ROBO2: variants seen among roughly 807,000 people sequenced by gnomAD.
ROBO2 encodes the protein roundabout guidance receptor 2, also known as roundabout homolog 2.
A neutral mutation model predicts 160.8 loss-of-function variants in ROBO2; 53 were observed. That is an observed-to-expected ratio of 0.33 (90% CI 0.26 to 0.41). The LOEUF is 0.41. Ranked by LOEUF, ROBO2 falls within the 10% of genes least tolerant of loss-of-function variation. ROBO2 has a pLI of 1.00. For missense variants in ROBO2, 1,577 were observed against 1,722.4 expected (o/e 0.92, Z 1.49); for synonymous variants, 664 against 611.7 (o/e 1.09, Z -1.26).
intron 2 of ROBO2, among the ~76,000 whole-genome samples, chr3:76,902,195 C>G (rs1048124653): frequency 1.4e-4 from 21 of 151,978 alleles, no homozygotes; most frequent in African/African-American, 5.1e-4. Context: ...TTTCTTTATA[C>G]CTACTTTTTA....
intron 2 of ROBO2, among the ~76,000 whole-genome samples, chr3:76,838,691 G>A (rs2067939311): frequency 6.6e-6 from 1 of 151,994 alleles, no homozygotes; most frequent in African/African-American, 2.4e-5. Flanking sequence ...ATCTCCATTC[G>A]TAAATTACAA....
At chr3:76,183,437 C>T (rs1355381381) in intron 2 of ROBO2, among the ~76,000 whole-genome samples, 1 of 152,220 alleles carries the variant, frequency 6.6e-6, no homozygotes, top group African/African-American at 2.4e-5. Flanking sequence ...TCTAGCACTG[C>T]CCAACTGTCT....
chr3:76,041,915 T>C (rs2067285826), intron 2 of ROBO2, among the ~76,000 whole-genome samples: 1 of 151,852 alleles, frequency 6.6e-6, no homozygotes, highest in Non-Finnish European at 1.5e-5. Flanking sequence ...GTCCTGTTTC[T>C]CTTGATCATC....
At chr3:76,758,775 T>C (rs2061133918) in intron 2 of ROBO2, among the ~76,000 whole-genome samples, 1 of 151,874 alleles carries the variant, frequency 6.6e-6, no homozygotes, top group East Asian at 2.0e-4. Flanking sequence ...TGGTGTTTAT[T>C]TTCAATGTTA....
At chr3:76,926,897 G>A (rs550990146) in intron 2 of ROBO2, among the ~76,000 whole-genome samples, 7 of 151,326 alleles carry the variant, frequency 4.6e-5, no homozygotes, top group African/African-American at 1.7e-4. Flanking sequence ...AGAGGACTCC[G>A]TTTTTTTTCA....
chr3:77,179,191 T>G (rs1315585546), intron 2 of ROBO2, among the ~76,000 whole-genome samples: 1 of 151,948 alleles, frequency 6.6e-6, no homozygotes, highest in Non-Finnish European at 1.5e-5. Flanking sequence ...TGCCTTTAGG[T>G]TTAGTTTGTC....
chr3:76,155,397 A>T (rs2072367740), intron 2 of ROBO2, among the ~76,000 whole-genome samples: 1 of 152,200 alleles, frequency 6.6e-6, no homozygotes, highest in African/African-American at 2.4e-5. Context: ...TAGACTATGA[A>T]AAATGCTACT....
intron 2 of ROBO2, among the ~76,000 whole-genome samples, chr3:77,340,211 G>A (rs879213308): frequency 6.6e-6 from 1 of 152,008 alleles, no homozygotes; most frequent in South Asian, 2.1e-4. Flanking sequence ...GTCATGAATG[G>A]TAACGAGAAT....
intron 2 of ROBO2, among the ~76,000 whole-genome samples, chr3:77,374,623 C>G (rs1031908462): frequency 1.3e-5 from 2 of 152,108 alleles, no homozygotes; most frequent in African/African-American, 2.4e-5. Flanking sequence ...GATCATTTCT[C>G]AATGACTTGA....
chr3:77,576,730 C>T (rs2093775927), intron 14 of ROBO2, among the ~76,000 whole-genome samples: 1 of 152,098 alleles, frequency 6.6e-6, no homozygotes, highest in East Asian at 1.9e-4. Flanking sequence ...TCACATTTGA[C>T]CCAACATGAA....
At chr3:76,608,779 A>G (rs1395786016) in intron 2 of ROBO2, among the ~76,000 whole-genome samples, 1 of 152,128 alleles carries the variant, frequency 6.6e-6, no homozygotes, top group Non-Finnish European at 1.5e-5. Context: ...TTTCTTCTGC[A>G]TATGGATATC....
intron 2 of ROBO2, among the ~76,000 whole-genome samples, chr3:76,595,070 A>G (rs1292260249): frequency 6.6e-6 from 1 of 151,932 alleles, no homozygotes; most frequent in Admixed American, 6.6e-5. Flanking sequence ...ACATGGAGAA[A>G]ACAGCCCTTT....
At chr3:77,205,949 C>T (rs1019990882) in intron 2 of ROBO2, among the ~76,000 whole-genome samples, 11 of 152,054 alleles carry the variant, frequency 7.2e-5, no homozygotes, top group Non-Finnish European at 5.9e-5. Context: ...CATTATCTTA[C>T]AGTTTTGGGG....
At chr3:76,021,402 G>T (rs1559840422) in intron 2 of ROBO2, among the ~76,000 whole-genome samples, 1 of 151,726 alleles carries the variant, frequency 6.6e-6, no homozygotes, top group South Asian at 2.1e-4. Context: ...TCCCAAACAT[G>T]TGTTTTCATT....
chr3:77,366,767 GT>G (rs562941708), intron 2 of ROBO2, among the ~76,000 whole-genome samples: 7 of 146,366 alleles, frequency 4.8e-5, no homozygotes, highest in Non-Finnish European at 7.8e-5. Flanking sequence ...GGAAGTGAGA[GT>G]GAGAGAGAGA....
chr3:76,335,257 C>CGGCTCAT (rs1257607286), intron 2 of ROBO2, among the ~76,000 whole-genome samples: 4 of 145,610 alleles, frequency 2.7e-5, no homozygotes, highest in Non-Finnish European at 6.0e-5. Flanking sequence ...TCTCTGCTCA[C>CGGCTCAT]GGCAACCTCC....
At chr3:76,425,715 C>T (rs1307406725) in intron 2 of ROBO2, among the ~76,000 whole-genome samples, 3 of 151,710 alleles carry the variant, frequency 2.0e-5, no homozygotes, top group South Asian at 2.1e-4. Context: ...ACAAAGATAC[C>T]TTTTGTACCC....
At chr3:76,273,120 A>ATATATATATAT (rs1707689323) in intron 2 of ROBO2, among the ~76,000 whole-genome samples, 1 of 32,330 alleles carries the variant, frequency 3.1e-5, no homozygotes, top group Non-Finnish European at 1.6e-4. Flanking sequence ...CACACATATA[A>ATATATATATAT]ATATATATAT....
intron 1 of ROBO2, among the ~76,000 whole-genome samples, chr3:75,917,847 G>A (rs937236100): frequency 4.0e-5 from 6 of 150,632 alleles, no homozygotes; most frequent in African/African-American, 1.5e-4. Context: ...TTTGAGAAGT[G>A]TCTGTTCATA....
Sources: gnomAD v4.1 joint callset for allele counts (sites outside exome capture counted in the v4.1 genomes callset) on GRCh38, gnomAD v4.1.1 for gene constraint, MANE v1.5 for transcripts, NCBI Gene and HGNC (gene_info 2026-07-23, HGNC 2026-07-21) for gene names.